MYO1G: variants seen among roughly 807,000 people sequenced by gnomAD.
The protein encoded by MYO1G is unconventional myosin-Ig.
Under a neutral mutation model 115.3 loss-of-function variants are expected in MYO1G, and 65 were observed. The observed-to-expected ratio is 0.56, with a 90% CI of 0.46 to 0.69. The LOEUF is 0.69. Ranked by LOEUF, MYO1G falls within the 30% of genes least tolerant of loss-of-function variation. The pLI is 0.00. For missense variants in MYO1G, 1,204 were observed against 1,393.5 expected (o/e 0.86, Z 2.16); for synonymous variants, 510 against 552.6 (o/e 0.92, Z 1.08).
Position 44,965,650 on chromosome 7 carries a change from C to A in MYO1G, c.2368G>T (p.Ala790Ser), listed in dbSNP as rs755972612. 2 of 1,613,256 alleles carry A rather than the reference C, an allele frequency of 1.2e-6. No homozygotes were observed. Among genetic ancestry groups the A allele is most frequent in the Non-Finnish European group, 1.7e-6 (2 of 1,179,598 alleles). The change falls in exon 17 of 22, where the codon GCA becomes TCA. Residue 790 changes from alanine to serine, a missense_variant. Coordinates refer to ENST00000258787, the MANE Select transcript of MYO1G (RefSeq NM_033054.3). The part of the protein sequence containing the change: ...VLQPFQDTCH[A>S]LFCRWRARQL... ...TGAGAGTAGTACCTGCAGAAGAGTG[C>A]GTGGCAGGTGTCCTGGAAGGGCTGC...
At position 44,975,704 on chromosome 7, in the gene MYO1G, C is replaced by T; in HGVS notation, c.399-55G>A. 6 of 1,493,312 alleles carry T rather than the reference C, an allele frequency of 4.0e-6. No individual in the cohort carries two copies. In the South Asian group the frequency reaches 4.1e-5, roughly 10 times the overall value. 92.5% of individuals were successfully genotyped at this position (1,493,312 alleles called of 1,614,324 possible). On this transcript the variant is annotated intron_variant, in intron 3 of 21. Transcript: ENST00000258787. ...GCAAAGACTTCCCATCTGGGGAATG[C>T]TGTCTCTGCCCCTGAGTCTTCCCAA...
In MYO1G at chr7:44,978,095, C is replaced by T. The variant is rs1183080738; in HGVS notation, c.95+772G>A. Among the ~76,000 whole-genome samples the T allele has an allele frequency of 5.9e-5, 9 of 152,256 alleles. 1 individual carries two copies. The highest frequency in any genetic ancestry group is 9.6e-5 in the African/African-American group (4 of 41,556). On this transcript the variant is annotated intron_variant, in intron 1 of 21. Coordinates refer to ENST00000258787, the MANE Select transcript of MYO1G (RefSeq NM_033054.3). ...AGCCAGGCTCGTGGTCTCTTGCCTT[C>T]GGTGCTTAGTGGGGATCCTGGTCCC...
Position 44,966,872 on chromosome 7 carries a change from C to T in MYO1G, c.1783-34G>A, listed in dbSNP as rs575240951. 1.3e-5 allele frequency: 20 copies of T among 1,572,374 alleles called. No individual in the cohort carries two copies. Among genetic ancestry groups the T allele is most frequent in the South Asian group, 1.2e-4 (10 of 84,030 alleles). ...ACAGAGGGGACTTGGAGAGGGTCTG[C>T]GCCAGCAGCACTGTGCACCCTGCCC... On this transcript the variant is annotated intron_variant, in intron 14 of 21. Transcript: ENST00000258787. This position sits in a 1 kb window ranked among gnomAD's most constrained non-coding sequence, Gnocchi z 5.0.
chr7:44,965,970 T>TC, intron 16 of MYO1G, 103 bp downstream of exon 16: 1 of 1,545,034 alleles, frequency 6.5e-7, no homozygotes. Context: ...CCTGTCTCCA[T>TC]CAAGCAGAGA....
In MYO1G at chr7:44,976,941, G is replaced by A. The variant is rs1209756872; in HGVS notation, c.226C>T (p.Pro76Ser). 1 of 1,613,636 alleles carries A rather than the reference G, an allele frequency of 6.2e-7. No individual in the cohort carries two copies. The highest frequency in any genetic ancestry group is 1.1e-5 in the South Asian group (1 of 91,092). The change falls in exon 2 of 22, where the codon CCC becomes TCC. Residue 76 changes from proline (P) to serine (S), a missense_variant. Transcript: ENST00000258787. The part of the protein sequence containing the change: ...YQGRELYERP[P>S]HLYAVANAAY... ...GCGTTGGCCACAGCATAGAGATGGG[G>A]TGGCCGCTCATAGAGCTCACGGCCC...
intron 3 of MYO1G, 61 bp downstream of exon 3, chr7:44,976,503 C>G (rs1795051480): frequency 1.3e-6 from 2 of 1,525,160 alleles, no homozygotes; most frequent in Non-Finnish European, 1.8e-6. Flanking sequence ...CCAGCCCTTC[C>G]TGCCACACTG....
chr7:44,966,232 G>T lies in MYO1G; in HGVS notation c.1998C>A (p.Ser666=), dbSNP rs138714232. 1.9e-6 allele frequency: 3 copies of T among 1,611,802 alleles called. No individual in the cohort carries two copies. Among genetic ancestry groups the T allele is most frequent in the Non-Finnish European group, 8.5e-7 (1 of 1,179,582 alleles). ...GGAGAGCGCTCACGGCTGCCTTGTC[G>T]GAGCCCAGCAGGTGGTTGGGCCATG... ...EYTWPNHLLG[S]DKAAVSALLE... Residue 666 remains serine, a synonymous_variant, in exon 16 of 22, where the codon TCC becomes TCA. Coordinates refer to ENST00000258787, the MANE Select transcript of MYO1G (RefSeq NM_033054.3). The surrounding 1 kb of genome is among the most constrained non-coding windows in gnomAD (Gnocchi z 5.0).
At position 44,966,927 on chromosome 7, in the gene MYO1G, TC is replaced by T; in HGVS notation, c.1783-90del. On this transcript the variant is annotated intron_variant, in intron 14 of 21. Transcript: ENST00000258787. The surrounding 1 kb of genome is among the most constrained non-coding windows in gnomAD (Gnocchi z 5.0). ...CCAGGGGCTTCCTAACCCCTCAAGG[TC>T]CCAGGCCAGGAGAAGAGTTGGGAAC... is the stretch of plus-strand genomic sequence containing the variant. 7.3e-7 allele frequency: 1 copy of T among 1,363,244 alleles called. No individual in the cohort carries two copies. Among genetic ancestry groups the T allele is most frequent in the South Asian group, 1.4e-5 (1 of 72,104 alleles). 84.4% of individuals were successfully genotyped at this position (1,363,244 alleles called of 1,614,324 possible). A position where few individuals can be genotyped will look rare whatever the true frequency, so the allele number is the denominator to read the frequency against.
rs1795065865 is a variant in MYO1G at position 44,977,002 on chromosome 7, C to T, written c.165G>A (p.Leu55=). ...CGATGGCCTCAGGCCCATACAGGGG[C>T]AGCTCCTGGTAGGGGTTCACGGACA... ...VLVSVNPYQE[L]PLYGPEAIAR... The change falls in exon 2 of 22, where the codon CTG becomes CTA. Residue 55 remains leucine, a synonymous_variant. Transcript: ENST00000258787. The T allele has an allele frequency of 6.2e-7, 1 of 1,613,660 alleles. No homozygotes were observed. The highest frequency in any genetic ancestry group is 1.7e-5 in the Admixed American group (1 of 60,034).
At position 44,969,830 on chromosome 7, in the gene MYO1G, G is replaced by A; in HGVS notation, c.1378C>T (p.Pro460Ser). 6.2e-7 allele frequency: 1 copy of A among 1,612,906 alleles called. No homozygotes were observed. The highest frequency in any genetic ancestry group is 1.1e-5 in the South Asian group (1 of 90,996). ...AGCACGGCCAGGATGCCACGGTGGG[G>A]CCGCTCCACCAGATCCACAATGGTG... The part of the protein sequence containing the change: ...NATIVDLVER[P>S]HRGILAVLDE... Residue 460 changes from proline (P) to serine (S), a missense_variant, in exon 11 of 22, where the codon CCC becomes TCC. By Grantham distance (74) the Pro-to-Ser change is moderately conservative. Transcript: ENST00000258787. This position sits in a 1 kb window ranked among gnomAD's most constrained non-coding sequence, Gnocchi z 5.0.
intron 5 of MYO1G, 87 bp downstream of exon 5, chr7:44,975,087 G>T: frequency 7.2e-7 from 1 of 1,381,766 alleles, no homozygotes; most frequent in Non-Finnish European, 1.0e-6. Context: ...AATTGGGGTA[G>T]TGATGGAAGG....
At position 44,964,300 on chromosome 7, in the gene MYO1G, G is replaced by T. The variant is rs1794800266; in HGVS notation, c.2631+115C>A. On this transcript the variant is annotated intron_variant, in intron 19 of 21. Transcript: ENST00000258787. This position sits in a 1 kb window ranked among gnomAD's most constrained non-coding sequence, Gnocchi z 5.1. ...TCAGGAGCAGCTGGGCCTGGGCTGG[G>T]GTTGCCTCCATTTTCTCCCAAGTGC... 4 of 1,305,368 alleles carry T rather than the reference G, an allele frequency of 3.1e-6. No individual in the cohort carries two copies. The highest frequency in any genetic ancestry group is 4.4e-6 in the Non-Finnish European group (4 of 909,860). The allele number at this position is 1,305,368 out of a possible 1,614,324, so 80.9% of individuals were successfully genotyped here. A position where few individuals can be genotyped will look rare whatever the true frequency, so the allele number is the denominator to read the frequency against.
intron 5 of MYO1G, chr7:44,972,938 G>C (rs1379600475): frequency 6.6e-6 from 1 of 152,348 alleles, no homozygotes; most frequent in Non-Finnish European, 1.5e-5. Context: ...TTCAGTGGGA[G>C]CTTAGAGTCT....
chr7:44,964,058 G>A lies in MYO1G; in HGVS notation c.2736C>T (p.Pro912=). The A allele has an allele frequency of 6.3e-7, 1 of 1,591,918 alleles. No homozygotes were observed. The highest frequency in any genetic ancestry group is 8.6e-7 in the Non-Finnish European group (1 of 1,169,078). ...DRQYRVMRAV[P]LEAVTGLSVT... ...CACCCACATTGCTCACCGCCTCAAG[G>A]GGCACGGCCCGCATCACCCGGTACT... The change falls in exon 20 of 22, where the codon CCC becomes CCT. Residue 912 remains proline, a synonymous_variant. Coordinates refer to ENST00000258787, the MANE Select transcript of MYO1G (RefSeq NM_033054.3). The surrounding 1 kb of genome is among the most constrained non-coding windows in gnomAD (Gnocchi z 5.1).
Position 44,966,139 on chromosome 7 carries a change from C to G in MYO1G, c.2091G>C (p.Arg697=). 2 of 1,613,192 alleles carry G rather than the reference C, an allele frequency of 1.2e-6. No homozygotes were observed. The highest frequency in any genetic ancestry group is 1.7e-6 in the Non-Finnish European group (2 of 1,179,992). Residue 697 remains arginine, a synonymous_variant, in exon 16 of 22, where the codon CGG becomes CGC. Coordinates refer to ENST00000258787, the MANE Select transcript of MYO1G (RefSeq NM_033054.3). The surrounding 1 kb of genome is among the most constrained non-coding windows in gnomAD (Gnocchi z 5.0). ...GHSKLFIRSP[R]TLVTLEQSRA... is the part of the protein sequence containing the mutation. ...GGCTCTGCTCCAGTGTGACCAGTGT[C>G]CGGGGTGAGCGGATGAACAGCTTGC...
chr7:44,971,162 T>G lies in MYO1G; in HGVS notation c.847-103A>C, dbSNP rs1221687262. The G allele has an allele frequency of 1.4e-5, 14 of 991,730 alleles. No individual in the cohort carries two copies. The East Asian group carries it at 3.7e-4, about 26-fold the overall frequency. The allele number at this position is 991,730 out of a possible 1,614,324, so 61.4% of individuals were successfully genotyped here. A position where few individuals can be genotyped will look rare whatever the true frequency, so the allele number is the denominator to read the frequency against. Reference sequence around the variant, plus strand: ...AGGAAAGCAGGGGACATGGATGCGGTAGAGTACAGCTCCTTCTCAGACCAG... The same window carrying G: ...AGGAAAGCAGGGGACATGGATGCGGGAGAGTACAGCTCCTTCTCAGACCAG... On this transcript the variant is annotated intron_variant, in intron 7 of 21. Coordinates refer to ENST00000258787, the MANE Select transcript of MYO1G (RefSeq NM_033054.3).
In MYO1G at chr7:44,966,515, G is replaced by A. The variant is rs748844233; in HGVS notation, c.1949+157C>T. ...CCCACATGCATGTGCTCACACACATGTCTTCCCAGATATTTTGGTGTCTTG... is the reference window on the plus strand; with the variant it reads ...CCCACATGCATGTGCTCACACACATATCTTCCCAGATATTTTGGTGTCTTG... On this transcript the variant is annotated intron_variant, in intron 15 of 21. Transcript: ENST00000258787. This position sits in a 1 kb window ranked among gnomAD's most constrained non-coding sequence, Gnocchi z 5.0. 8.4e-6 allele frequency: 8 copies of A among 949,988 alleles called. No individual in the cohort carries two copies. The highest frequency in any genetic ancestry group is 1.3e-5 in the Non-Finnish European group (8 of 607,510). The allele number at this position is 949,988 out of a possible 1,614,324, so 58.8% of individuals were successfully genotyped here.
At chr7:44,971,867 A>G in intron 6 of MYO1G, 78 bp from the exon 7 acceptor site, 1 of 1,125,722 alleles carries the variant, frequency 8.9e-7, no homozygotes, top group Non-Finnish European at 1.3e-6. Flanking sequence ...TGATTCCTCC[A>G]TCCTAGGCAC....
chr7:44,967,703 CG>C lies in MYO1G; in HGVS notation c.1683del (p.Asp561GlufsTer9). On this transcript the variant is annotated frameshift_variant, in exon 14 of 22. Coordinates refer to ENST00000258787, the MANE Select transcript of MYO1G (RefSeq NM_033054.3). LOFTEE classifies it high-confidence loss of function. ...TDPTLRAMWP[D>X]GQQDITEVTK... The stretch of plus-strand genomic sequence containing the variant: ...GTCACCTCTGTGATGTCCTGCTGCC[CG>C]TCCGGCCACATGGCCCGTAGAGTGG... 1 of 1,613,700 alleles carries C rather than the reference CG, an allele frequency of 6.2e-7. No homozygotes were observed. The highest frequency in any genetic ancestry group is 8.5e-7 in the Non-Finnish European group (1 of 1,180,022).
Sources: allele counts gnomAD v4.1 joint callset (sites outside exome capture counted in the v4.1 genomes callset), GRCh38; gene constraint gnomAD v4.1.1; non-coding constraint Gnocchi (gnomAD v3.1); transcripts MANE v1.5; gene names NCBI Gene and HGNC (gene_info 2026-07-23, HGNC 2026-07-21).